Variants in NLRP11 observed in about 807,000 individuals in gnomAD.
The protein encoded by NLRP11 is NLR family pyrin domain containing 11.
Under a neutral mutation model 79.3 loss-of-function variants are expected in NLRP11, and 53 were observed. The observed-to-expected ratio is 0.67, with a 90% CI of 0.54 to 0.84. The LOEUF (loss-of-function observed/expected upper bound fraction) is 0.84. Among genes scored for constraint, NLRP11 ranks in the 40% least tolerant of loss-of-function variants. NLRP11 has a pLI of 0.00. For synonymous variants in NLRP11, 518 were observed against 462.6 expected, an observed-to-expected ratio of 1.12 and a Z score of -1.54; for missense variants, 1,264 against 1,255.0, an observed-to-expected ratio of 1.01 and a Z score of -0.11.
At chr19:55,799,792 C>T (rs1195459327) in intron 5 of NLRP11, among the ~76,000 whole-genome samples, 2 of 151,236 alleles carry the variant, frequency 1.3e-5, no homozygotes, top group African/African-American at 4.9e-5. Flanking sequence ...CATGGTGAAA[C>T]CCCATCTCTA....
At chr19:55,789,164 C>A in intron 8 of NLRP11, 65 bp downstream of exon 8, 4 of 1,505,892 alleles carry the variant, frequency 2.7e-6, no homozygotes, top group Non-Finnish European at 3.6e-6. Flanking sequence ...CAATCCACTT[C>A]CTCTTGTGCT....
chr19:55,794,497 A>T (rs1220545271), intron 6 of NLRP11, among the ~76,000 whole-genome samples: 2 of 152,218 alleles, frequency 1.3e-5, no homozygotes, highest in African/African-American at 4.8e-5. Flanking sequence ...ACAGTGGCTC[A>T]CATCTGTAAT....
At chr19:55,798,325 A>C in intron 5 of NLRP11, 6 of 985,230 alleles carry the variant, frequency 6.1e-6, no homozygotes, top group Non-Finnish European at 7.2e-6. Flanking sequence ...TGAAAGTGAA[A>C]GCCGTTGAGG....
At chr19:55,804,805 CT>C (rs59818817) in intron 4 of NLRP11, among the ~76,000 whole-genome samples, 14,373 of 152,158 alleles carry the variant, frequency 0.094, 926 homozygotes, top group East Asian at 0.22. Context: ...TGGCTCACCC[CT>C]GTAATCTCAG....
intron 1 of NLRP11, among the ~76,000 whole-genome samples, chr19:55,826,996 A>G (rs964206471): frequency 6.9e-5 from 10 of 145,364 alleles, no homozygotes; most frequent in African/African-American, 1.0e-4. Context: ...GAGGCATCAC[A>G]CTACCTGATT....
chr19:55,809,065 T>C lies in NLRP11; in HGVS notation c.1545A>G (p.Leu515=). ...ACCACTTGAAGCTGTCTACCATCGG[T>C]AGCTGGTATCCAAAGGATGTCTCAA... is the stretch of plus-strand genomic sequence containing the variant. The change falls in exon 3 of 10, where the codon CTA becomes CTG. Residue 515 remains leucine (L), a synonymous_variant. Transcript: ENST00000589093. The surrounding 1 kb of genome is among the most constrained non-coding windows in gnomAD (Gnocchi z 4.5). 1 of 1,613,542 alleles carries C rather than the reference T, an allele frequency of 6.2e-7. No homozygotes were observed. The highest frequency in any genetic ancestry group is 8.5e-7 in the Non-Finnish European group (1 of 1,179,562).
intron 5 of NLRP11, among the ~76,000 whole-genome samples, chr19:55,797,470 T>C (rs1009870704): frequency 3.3e-5 from 5 of 152,186 alleles, no homozygotes; most frequent in African/African-American, 1.2e-4. Flanking sequence ...TCAGGCATTG[T>C]ATGAAGTTCC....
intron 4 of NLRP11, among the ~76,000 whole-genome samples, chr19:55,806,354 C>T (rs1488107384): frequency 6.6e-6 from 1 of 152,228 alleles, no homozygotes; most frequent in African/African-American, 2.4e-5. Context: ...TTAGACTGAC[C>T]TTCCTCAGAT....
At chr19:55,793,175 C>T (rs1246775096) in intron 6 of NLRP11, among the ~76,000 whole-genome samples, 3 of 152,204 alleles carry the variant, frequency 2.0e-5, no homozygotes, top group African/African-American at 4.8e-5. Context: ...CCACCACACC[C>T]GGCCGAATCT....
upstream of NLRP11, among the ~76,000 whole-genome samples, chr19:55,834,133 T>G (rs1165026555): frequency 6.6e-6 from 1 of 152,188 alleles, no homozygotes; most frequent in East Asian, 1.9e-4. Context: ...TAAAGTACAT[T>G]TTGATCAATT....
At chr19:55,796,095 G>A (rs748209558) in exon 6 of NLRP11, 8 of 1,613,118 alleles carry the variant, frequency 5.0e-6, no homozygotes, top group Non-Finnish European at 6.8e-6. Flanking sequence ...TGATATAAGA[G>A]TGCAGTTGGG....
chr19:55,829,602 G>T (rs971967235), intron 1 of NLRP11, among the ~76,000 whole-genome samples: 1 of 147,582 alleles, frequency 6.8e-6, no homozygotes, highest in African/African-American at 2.5e-5. Flanking sequence ...CAGAAGTGGA[G>T]GTTGCAGTGA....
In NLRP11 at chr19:55,809,306, A is replaced by G; in HGVS notation, c.1304T>C (p.Ile435Thr). Residue 435 changes from isoleucine (I) to threonine (T), a missense_variant, in exon 3 of 10, where the codon ATT (isoleucine) becomes ACT (threonine). By Grantham distance (89) the Ile-to-Thr change is moderately conservative. Transcript: ENST00000589093. This position sits in a 1 kb window ranked among gnomAD's most constrained non-coding sequence, Gnocchi z 4.5. Reference sequence around the variant, plus strand: ...TTTATGAGTGTTGCTCGGCAAAAGAATATTCGCGGCCTGCAACACAGAGAC... The same window carrying G: ...TTTATGAGTGTTGCTCGGCAAAAGAGTATTCGCGGCCTGCAACACAGAGAC... 1 of 1,614,092 alleles carries G rather than the reference A, an allele frequency of 6.2e-7. No individual in the cohort carries two copies. The highest frequency in any genetic ancestry group is 8.5e-7 in the Non-Finnish European group (1 of 1,179,948).
At chr19:55,835,926 C>A (rs1983221752), upstream of NLRP11, among the ~76,000 whole-genome samples, 1 of 152,218 alleles carries the variant, frequency 6.6e-6, no homozygotes, top group Non-Finnish European at 1.5e-5. Flanking sequence ...GGGTTCGAGA[C>A]CAGCCTGGCC....
intron 1 of NLRP11, among the ~76,000 whole-genome samples, chr19:55,830,961 G>A (rs932498487): frequency 6.6e-5 from 10 of 152,218 alleles, no homozygotes; most frequent in East Asian, 3.9e-4. Flanking sequence ...CCAGTGTCCC[G>A]AAATACAGAC....
intron 6 of NLRP11, 55 bp from the exon 7 acceptor site, chr19:55,792,526 C>T: frequency 3.4e-6 from 5 of 1,452,822 alleles, no homozygotes; most frequent in Non-Finnish European, 4.8e-6. Context: ...GAGGGGAGCA[C>T]CTGAGACCAC....
chr19:55,795,432 T>C (rs369845627), intron 6 of NLRP11, among the ~76,000 whole-genome samples: 2 of 152,198 alleles, frequency 1.3e-5, no homozygotes, highest in Admixed American at 6.5e-5. Context: ...TCCCTGCTCT[T>C]AGAAAGTCAG....
chr19:55,822,607 C>T (rs1051497319), intron 1 of NLRP11, among the ~76,000 whole-genome samples: 1 of 152,076 alleles, frequency 6.6e-6, no homozygotes, highest in Non-Finnish European at 1.5e-5. Context: ...CTGGGAAGCG[C>T]GAGGGGTCAG....
At chr19:55,796,223 G>T (rs116391886) in exon 6 of NLRP11, 1 of 1,612,888 alleles carries the variant, frequency 6.2e-7, no homozygotes. Context: ...CTTCACATTC[G>T]CTGGCTCGCA....
Sources: allele counts gnomAD v4.1 joint callset (sites outside exome capture counted in the v4.1 genomes callset), GRCh38; gene constraint gnomAD v4.1.1; non-coding constraint Gnocchi (gnomAD v3.1); transcripts MANE v1.5; gene names NCBI Gene and HGNC (gene_info 2026-07-23, HGNC 2026-07-21).